The following PLCXD3 variants were observed in gnomAD, a reference collection of about 807,000 sequenced individuals.
PLCXD3 encodes the protein phosphatidylinositol specific phospholipase C X domain containing 3, also known as PI-PLC X domain-containing protein 3.
PLCXD3 carries 19 observed loss-of-function variants against 25.5 expected under a neutral mutation model. That is an observed-to-expected ratio of 0.75 (90% CI 0.52 to 1.09). The LOEUF (loss-of-function observed/expected upper bound fraction) is 1.09, where lower values mean the gene tolerates loss of function less well. Among genes scored for constraint, PLCXD3 ranks in the 50% least tolerant of loss-of-function variants. The pLI, the probability that PLCXD3 is intolerant of heterozygous loss-of-function variation, is 0.00. For synonymous variants in PLCXD3, 174 were observed against 137.6 expected, an observed-to-expected ratio of 1.26 and a Z score of -1.85; for missense variants, 411 against 388.1, an observed-to-expected ratio of 1.06 and a Z score of -0.50.
intron 1 of PLCXD3, among the ~76,000 whole-genome samples, chr5:41,438,302 C>A (rs1747302051): frequency 6.6e-6 from 1 of 152,204 alleles, no homozygotes; most frequent in Admixed American, 6.5e-5. Context: ...GAATAACATG[C>A]TAATGATAGA....
At chr5:41,410,404 A>G (rs1249664805) in intron 1 of PLCXD3, among the ~76,000 whole-genome samples, 2 of 151,738 alleles carry the variant, frequency 1.3e-5, no homozygotes, top group Admixed American at 1.3e-4. Flanking sequence ...CAACCTCCCA[A>G]AGTGCTGGGA....
chr5:41,400,895 C>G (rs1746162843), intron 1 of PLCXD3, among the ~76,000 whole-genome samples: 1 of 151,948 alleles, frequency 6.6e-6, no homozygotes, highest in South Asian at 2.1e-4. Flanking sequence ...GGAAGGATAC[C>G]TCATTCTCTA....
intron 2 of PLCXD3, among the ~76,000 whole-genome samples, chr5:41,370,957 C>G (rs1392321105): frequency 6.6e-6 from 1 of 152,124 alleles, no homozygotes; most frequent in Non-Finnish European, 1.5e-5. Context: ...CCCCTTCTCT[C>G]CATCATCTGG....
intron 2 of PLCXD3, among the ~76,000 whole-genome samples, chr5:41,315,880 C>CT: frequency 1.3e-5 from 2 of 152,322 alleles, no homozygotes; most frequent in Middle Eastern, 3.4e-3. Flanking sequence ...GAGAGGGAAT[C>CT]ACAGATCCCA....
rs1743130016 is a variant in PLCXD3 at position 41,311,221 on chromosome 5, A to G, written c.*2396T>C. On this transcript the variant is annotated 3_prime_UTR_variant, in exon 3 of 3. Coordinates refer to ENST00000377801, the MANE Select transcript of PLCXD3 (RefSeq NM_001005473.3). ...CAAAAACCAAATTTACGGGACATACATTTCAATAATCCTAATCATTTTAAA... is the reference window on the plus strand; with the variant it reads ...CAAAAACCAAATTTACGGGACATACGTTTCAATAATCCTAATCATTTTAAA... 6.6e-6 allele frequency: 1 copy of G among 152,156 alleles called. No homozygotes were observed. The allele number at this position is 152,156 out of a possible 1,614,324, so 9.4% of individuals were successfully genotyped here. A position where few individuals can be genotyped will look rare whatever the true frequency, so the allele number is the denominator to read the frequency against.
At chr5:41,484,408 TG>T (rs1748475683) in intron 1 of PLCXD3, among the ~76,000 whole-genome samples, 1 of 152,182 alleles carries the variant, frequency 6.6e-6, no homozygotes, top group African/African-American at 2.4e-5. Flanking sequence ...TGTTTATCCT[TG>T]CATTTCTAGG....
At chr5:41,333,175 C>A in intron 2 of PLCXD3, among the ~76,000 whole-genome samples, 1 of 151,998 alleles carries the variant, frequency 6.6e-6, no homozygotes, top group South Asian at 2.1e-4. Context: ...TGTGACTGCC[C>A]GTCCCAACCC....
intron 1 of PLCXD3, among the ~76,000 whole-genome samples, chr5:41,396,360 A>G (rs536660975): frequency 6.6e-6 from 1 of 152,210 alleles, no homozygotes; most frequent in East Asian, 1.9e-4. Flanking sequence ...CCATGGTAAG[A>G]CATGCTTGAT....
At chr5:41,495,482 T>C (rs1748814503) in intron 1 of PLCXD3, among the ~76,000 whole-genome samples, 1 of 152,186 alleles carries the variant, frequency 6.6e-6, no homozygotes, top group Admixed American at 6.5e-5. Flanking sequence ...CCCAAGGGGT[T>C]AGTTTCTGAA....
At chr5:41,395,133 A>G (rs1745962461) in intron 1 of PLCXD3, among the ~76,000 whole-genome samples, 1 of 152,142 alleles carries the variant, frequency 6.6e-6, no homozygotes, top group South Asian at 2.1e-4. Flanking sequence ...ATCTTCTCTG[A>G]CCACATTGGA....
In PLCXD3 at chr5:41,489,211, C is replaced by G. The variant is rs971247321; in HGVS notation, c.103+21213G>C. On this transcript the variant is annotated intron_variant, in intron 1 of 2. Transcript: ENST00000377801. The stretch of plus-strand genomic sequence containing the variant: ...AATCCTTTCCCCATTGCTTGTTTTT[C>G]TCAGGTTTGTCAAAGATCAGATAGC... 5.3e-4 allele frequency among the ~76,000 whole-genome samples: 80 copies of G among 152,032 alleles called. 1 individual carries two copies. The highest frequency in any genetic ancestry group is 2.8e-4 in the Non-Finnish European group (19 of 67,996).
At chr5:41,315,378 T>G (rs1743259967) in intron 2 of PLCXD3, among the ~76,000 whole-genome samples, 1 of 148,668 alleles carries the variant, frequency 6.7e-6, no homozygotes, top group African/African-American at 2.5e-5. Context: ...AGAAGTTGTA[T>G]AAAAAAGGTA....
intron 2 of PLCXD3, among the ~76,000 whole-genome samples, chr5:41,357,153 C>T (rs1744642335): frequency 6.6e-6 from 1 of 152,218 alleles, no homozygotes; most frequent in South Asian, 2.1e-4. Flanking sequence ...GGCAACAAAA[C>T]ATGTCTTTCT....
intron 2 of PLCXD3, among the ~76,000 whole-genome samples, chr5:41,362,978 AT>A (rs893499258): frequency 8.6e-5 from 13 of 151,838 alleles, no homozygotes; most frequent in South Asian, 2.1e-4. Context: ...ATATGATCAG[AT>A]TTTTTTTTAC....
intron 2 of PLCXD3, among the ~76,000 whole-genome samples, chr5:41,360,730 A>G (rs1744747459): frequency 6.6e-6 from 1 of 152,194 alleles, no homozygotes. Flanking sequence ...TCTTTCAGCC[A>G]TGGATACCAG....
intron 1 of PLCXD3, among the ~76,000 whole-genome samples, chr5:41,489,456 A>G (rs1166057875): frequency 2.0e-5 from 3 of 152,108 alleles, no homozygotes; most frequent in African/African-American, 2.4e-5. Flanking sequence ...GTTTTTTCCA[A>G]TTCTGTGATG....
At chr5:41,343,566 A>G (rs1744220418) in intron 2 of PLCXD3, among the ~76,000 whole-genome samples, 1 of 152,150 alleles carries the variant, frequency 6.6e-6, no homozygotes, top group Non-Finnish European at 1.5e-5. Flanking sequence ...GTGGTTTCAC[A>G]GGTACTACTA....
chr5:41,392,470 T>G (rs1022182555), intron 1 of PLCXD3, among the ~76,000 whole-genome samples: 22 of 152,116 alleles, frequency 1.4e-4, no homozygotes, highest in African/African-American at 5.3e-4. Flanking sequence ...AGGTGATGCC[T>G]CTACAAGTCT....
chr5:41,503,967 GTGTGTGTGTGTGTGTGCACT>G (rs1489566563), intron 1 of PLCXD3, among the ~76,000 whole-genome samples: 3 of 110,470 alleles, frequency 2.7e-5, no homozygotes, highest in African/African-American at 1.1e-4. Context: ...GAATTAAAAT[GTGTGTGTGTGTGTGTGCACT>G]TGTGTGTGTG....
Sources: gnomAD v4.1 joint callset for allele counts (sites outside exome capture counted in the v4.1 genomes callset) on GRCh38, gnomAD v4.1.1 for gene constraint, MANE v1.5 for transcripts, NCBI Gene and HGNC (gene_info 2026-07-23, HGNC 2026-07-21) for gene names.